EML4: variants seen among roughly 807,000 people sequenced by gnomAD.
The protein encoded by EML4 is echinoderm microtubule-associated protein-like 4.
A neutral mutation model predicts 129.0 loss-of-function variants in EML4; 72 were observed. The ratio of observed to expected loss-of-function variants is 0.56; its 90% CI spans 0.46 to 0.68. The LOEUF (loss-of-function observed/expected upper bound fraction) is 0.68. Ranked by LOEUF, EML4 falls within the 30% of genes least tolerant of loss-of-function variation. EML4 has a pLI of 0.00. For missense variants in EML4, 1,363 were observed against 1,190.6 expected (o/e 1.14, Z -2.13); for synonymous variants, 532 against 405.0 (o/e 1.31, Z -3.77).
chr2:42,289,416 C>T (rs1228071614), intron 11 of EML4: 1 of 152,210 alleles, frequency 6.6e-6, no homozygotes, highest in African/African-American at 2.4e-5. Context: ...CCCATGGCCT[C>T]ATTTTCTATC....
intron 1 of EML4, among the ~76,000 whole-genome samples, chr2:42,203,180 T>C (rs1672338830): frequency 6.6e-6 from 1 of 152,244 alleles, no homozygotes; most frequent in African/African-American, 2.4e-5. Context: ...ATGCATATAT[T>C]GAAACATCAC....
At chr2:42,239,144 A>G in intron 1 of EML4, among the ~76,000 whole-genome samples, 1 of 152,222 alleles carries the variant, frequency 6.6e-6, no homozygotes, top group East Asian at 1.9e-4. Flanking sequence ...AATATTCTAA[A>G]TGAAGACTGA....
At position 42,256,598 on chromosome 2, in the gene EML4, A is replaced by G; in HGVS notation, c.306A>G (p.Ala102=). 1 of 1,613,980 alleles carries G rather than the reference A, an allele frequency of 6.2e-7. No individual in the cohort carries two copies. The highest frequency in any genetic ancestry group is 8.5e-7 in the Non-Finnish European group (1 of 1,179,872). ...GTCATACCAGTGCTGTCTCAATTGCAGGAAAAGAAACTCTTTCATCTGCTG... is the reference window on the plus strand; with the variant it reads ...GTCATACCAGTGCTGTCTCAATTGCGGGAAAAGAAACTCTTTCATCTGCTG... ...KPSHTSAVSI[A]GKETLSSAAK... is the part of the protein sequence containing the mutation. Residue 102 remains alanine, a synonymous_variant, in exon 3 of 23, where the codon GCA becomes GCG. Transcript: ENST00000318522.
chr2:42,284,355 G>C (rs1334184519), intron 8 of EML4, among the ~76,000 whole-genome samples: 1 of 152,126 alleles, frequency 6.6e-6, no homozygotes, highest in Non-Finnish European at 1.5e-5. Flanking sequence ...GACTAGAAAG[G>C]AACTTCAGCA....
rs972180433 is a variant in EML4, at chr2:42,203,168, G to A, written c.25+33532G>A. On this transcript the variant is annotated intron_variant, in intron 1 of 22. Transcript: ENST00000318522. ...TGGCCTGATTTGGCCACTCTATAAC[G>A]TATGCATATATTGAAACATCACATT... 8.5e-5 allele frequency among the ~76,000 whole-genome samples: 13 copies of A among 152,158 alleles called. No individual in the cohort carries two copies. The South Asian group carries it at 1.9e-3, about 22-fold the overall frequency.
intron 17 of EML4, among the ~76,000 whole-genome samples, chr2:42,315,174 A>T (rs569016535): frequency 2.6e-4 from 39 of 152,248 alleles, no homozygotes; most frequent in African/African-American, 7.7e-4. Context: ...ATGTCTGAAC[A>T]TTCCCTCAGT....
At chr2:42,311,977 T>C (rs1029652823) in intron 17 of EML4, among the ~76,000 whole-genome samples, 6 of 152,212 alleles carry the variant, frequency 3.9e-5, no homozygotes, top group African/African-American at 1.4e-4. Context: ...CCCAAAGTGC[T>C]AGGATTGCAG....
intron 9 of EML4, among the ~76,000 whole-genome samples, chr2:42,285,443 C>A (rs927097148): frequency 6.6e-6 from 1 of 152,076 alleles, no homozygotes; most frequent in Admixed American, 6.5e-5. Flanking sequence ...AAGACCCCTT[C>A]CAGTTTCAAA....
chr2:42,257,492 T>C (rs904297567), intron 3 of EML4, among the ~76,000 whole-genome samples: 1 of 152,132 alleles, frequency 6.6e-6, no homozygotes, highest in Non-Finnish European at 1.5e-5. Flanking sequence ...AACCAAACAG[T>C]TGATGACAAG....
At chr2:42,232,782 G>C (rs1674425587) in intron 1 of EML4, among the ~76,000 whole-genome samples, 1 of 152,164 alleles carries the variant, frequency 6.6e-6, no homozygotes, top group Non-Finnish European at 1.5e-5. Context: ...GGAGTGCAGT[G>C]GCACGGATTT....
chr2:42,209,231 T>C (rs1451710603), intron 1 of EML4, among the ~76,000 whole-genome samples: 1 of 152,236 alleles, frequency 6.6e-6, no homozygotes, highest in East Asian at 1.9e-4. Context: ...TAGACAATTA[T>C]GTTAACTTTT....
intron 1 of EML4, among the ~76,000 whole-genome samples, chr2:42,171,695 T>C (rs536819657): frequency 2.6e-5 from 4 of 152,196 alleles, no homozygotes; most frequent in African/African-American, 9.7e-5. Flanking sequence ...AGAGGAGATA[T>C]GCCTATCAGA....
At chr2:42,277,008 C>A (rs1359175266) in intron 6 of EML4, among the ~76,000 whole-genome samples, 2 of 152,102 alleles carry the variant, frequency 1.3e-5, no homozygotes, top group Non-Finnish European at 1.5e-5. Flanking sequence ...ACACTTGATA[C>A]CCAATATGGT....
At chr2:42,188,316 G>T (rs1671382315) in intron 1 of EML4, among the ~76,000 whole-genome samples, 1 of 152,084 alleles carries the variant, frequency 6.6e-6, no homozygotes. Context: ...GGACCTCCTG[G>T]GCTCAGGTGA....
At chr2:42,169,664 T>C in intron 1 of EML4, 28 bp downstream of exon 1, 1 of 1,599,246 alleles carries the variant, frequency 6.3e-7, no homozygotes, top group Non-Finnish European at 8.5e-7. Context: ...GTCCTGCGTC[T>C]TCTGCGAAGG....
intron 6 of EML4, among the ~76,000 whole-genome samples, chr2:42,280,563 G>C (rs1411359583): frequency 6.6e-6 from 1 of 152,154 alleles, no homozygotes; most frequent in East Asian, 1.9e-4. Context: ...ATCATATTAT[G>C]AGTAATCTAG....
At chr2:42,276,229 A>G (rs1666649304) in intron 6 of EML4, among the ~76,000 whole-genome samples, 1 of 152,096 alleles carries the variant, frequency 6.6e-6, no homozygotes, top group Non-Finnish European at 1.5e-5. Context: ...CTTTTTTGGT[A>G]GAGGAGTAAA....
intron 17 of EML4, among the ~76,000 whole-genome samples, chr2:42,315,093 C>G (rs1487312198): frequency 1.3e-5 from 2 of 151,824 alleles, no homozygotes; most frequent in Non-Finnish European, 2.9e-5. Context: ...CTACTGTTCC[C>G]TCACACCTTC....
chr2:42,303,995 A>C (rs72972044), intron 16 of EML4, among the ~76,000 whole-genome samples: 23,165 of 152,234 alleles, frequency 0.15, 2,062 homozygotes, highest in South Asian at 0.31. Context: ...TCAGTAGTAA[A>C]ATCATAAAGA....
Sources: allele counts gnomAD v4.1 joint callset (sites outside exome capture counted in the v4.1 genomes callset), GRCh38; gene constraint gnomAD v4.1.1; transcripts MANE v1.5; gene names NCBI Gene and HGNC (gene_info 2026-07-23, HGNC 2026-07-21).